The following ZNF827 variants were observed in gnomAD, a reference collection of about 807,000 sequenced individuals.
ZNF827 encodes the protein zinc finger protein 827.
A neutral mutation model predicts 102.4 loss-of-function variants in ZNF827; 13 were observed. The ratio of observed to expected loss-of-function variants is 0.13; its 90% CI spans 0.08 to 0.20. The LOEUF (loss-of-function observed/expected upper bound fraction) is 0.20, where lower values mean the gene tolerates loss of function less well. ZNF827 is among the 10% of genes least tolerant of loss of function. The pLI, the probability that ZNF827 is intolerant of heterozygous loss-of-function variation, is 1.00. For missense variants in ZNF827, 1,103 were observed against 1,344.4 expected, an observed-to-expected ratio of 0.82 and a Z score of 2.81; for synonymous variants, 523 against 536.2, an observed-to-expected ratio of 0.98 and a Z score of 0.34.
Position 145,781,429 on chromosome 4 carries a change from G to A in ZNF827, c.2384-1918C>T, listed in dbSNP as rs76669032. On this transcript the variant is annotated intron_variant, in intron 8 of 14. Transcript: ENST00000508784. The stretch of plus-strand genomic sequence containing the variant: ...CAAATATGAATATATGTCTGGAAAT[G>A]GGAGGAGGGGAAATGATGGTGAAAT... Among the ~76,000 whole-genome samples the A allele has an allele frequency of 5.6e-4, 86 of 152,246 alleles. 1 individual carries two copies. In the East Asian group the frequency reaches 0.012, roughly 21 times the overall value.
chr4:145,901,317 T>C (rs1162394616), intron 2 of ZNF827, among the ~76,000 whole-genome samples: 2 of 152,202 alleles, frequency 1.3e-5, no homozygotes, highest in Non-Finnish European at 2.9e-5. Flanking sequence ...CGTGTATTTA[T>C]CATGTACACA....
chr4:145,765,070 C>T lies in ZNF827; in HGVS notation c.3148G>A (p.Asp1050Asn), dbSNP rs780273763. 1.9e-6 allele frequency: 3 copies of T among 1,614,118 alleles called. No homozygotes were observed. Among genetic ancestry groups the T allele is most frequent in the Admixed American group, 3.3e-5 (2 of 60,008 alleles). Reference protein sequence around the residue: ...IHLITRMFECDVCHKFMKTPE... With the variant: ...IHLITRMFECNVCHKFMKTPE... ...GTCTTCATGAACTTGTGGCACACATCACACTCAAACATCCGGGTGATGAGG... is the reference window on the plus strand; with the variant it reads ...GTCTTCATGAACTTGTGGCACACATTACACTCAAACATCCGGGTGATGAGG... The change falls in exon 13 of 15, where the codon GAT becomes AAT. Residue 1050 changes from aspartate to asparagine, a missense_variant. Physicochemically the swap from Asp to Asn is conservative, Grantham distance 23. Coordinates refer to ENST00000508784, the MANE Select transcript of ZNF827 (RefSeq NM_001306215.2). This position sits in a 1 kb window ranked among gnomAD's most constrained non-coding sequence, Gnocchi z 4.7.
intron 8 of ZNF827, among the ~76,000 whole-genome samples, chr4:145,793,097 C>T (rs548018338): frequency 6.6e-6 from 1 of 151,332 alleles, no homozygotes; most frequent in South Asian, 2.1e-4. Flanking sequence ...GCTTAAAATT[C>T]CACTAGCTAT....
chr4:145,938,615 T>A lies in ZNF827; in HGVS notation c.-208A>T. The A allele has an allele frequency of 1.9e-6, 1 of 524,328 alleles. No individual in the cohort carries two copies. Among genetic ancestry groups the A allele is most frequent in the Non-Finnish European group, 3.3e-6 (1 of 300,674 alleles). 32.5% of individuals were successfully genotyped at this position (524,328 alleles called of 1,614,324 possible). A position where few individuals can be genotyped will look rare whatever the true frequency, so the allele number is the denominator to read the frequency against. On this transcript the variant is annotated 5_prime_UTR_variant, in exon 1 of 15. The change creates a new upstream start codon in the 5' untranslated region. Transcript: ENST00000508784. Reference sequence around the variant, plus strand: ...GGGTTTTCTTCTTTTCTTTCCTTTCTTTTTTCCTTTTTTTTTTTTTTTTAA... The same window carrying A: ...GGGTTTTCTTCTTTTCTTTCCTTTCATTTTTCCTTTTTTTTTTTTTTTTAA...
chr4:145,848,754 T>A (rs1057021954), intron 6 of ZNF827, among the ~76,000 whole-genome samples: 2 of 152,238 alleles, frequency 1.3e-5, no homozygotes, highest in Non-Finnish European at 2.9e-5. Flanking sequence ...AGCTGGTAAT[T>A]ACTGCACTTT....
intron 5 of ZNF827, among the ~76,000 whole-genome samples, chr4:145,850,027 G>C (rs1331861721): frequency 6.8e-6 from 1 of 148,138 alleles, no homozygotes; most frequent in Non-Finnish European, 1.5e-5. Flanking sequence ...TTTTTTTCCT[G>C]AGAAGTAGTT....
intron 5 of ZNF827, among the ~76,000 whole-genome samples, chr4:145,859,231 C>T (rs1183096327): frequency 2.0e-5 from 3 of 152,074 alleles, no homozygotes; most frequent in Non-Finnish European, 4.4e-5. Flanking sequence ...CAGGTGAGGT[C>T]CTTATTCACT....
At chr4:145,861,525 C>G (rs1354518528) in intron 5 of ZNF827, among the ~76,000 whole-genome samples, 1 of 152,214 alleles carries the variant, frequency 6.6e-6, no homozygotes, top group East Asian at 1.9e-4. Context: ...CCAGCGGCCT[C>G]TCCGTTTGTG....
chr4:145,863,191 A>C (rs1747887864), intron 5 of ZNF827, among the ~76,000 whole-genome samples: 1 of 152,216 alleles, frequency 6.6e-6, no homozygotes, highest in South Asian at 2.1e-4. Flanking sequence ...CAAAACTATA[A>C]TGAAACACTA....
Position 145,870,379 on chromosome 4 carries a change from A to C in ZNF827, c.1847T>G (p.Val616Gly), listed in dbSNP as rs1748574109. The C allele has an allele frequency of 6.2e-7, 1 of 1,614,010 alleles. No individual in the cohort carries two copies. Residue 616 changes from valine to glycine, a missense_variant, in exon 5 of 15, where the codon GTG (valine) becomes GGG (glycine). Physicochemically the swap from Val to Gly is moderately radical, Grantham distance 109 (BLOSUM62 -3). Transcript: ENST00000508784. Reference sequence around the variant, plus strand: ...TGACACTTCAGATTCCGGGCTGAACACATAGCTGGACCGAGGCAAAGTCGT... The same window carrying C: ...TGACACTTCAGATTCCGGGCTGAACCCATAGCTGGACCGAGGCAAAGTCGT... ...LSTTLPRSSY[V>G]FSPESEVSAP... is the part of the protein sequence containing the mutation.
chr4:145,884,457 AATCT>A (rs1424862366), intron 4 of ZNF827, among the ~76,000 whole-genome samples: 1 of 152,188 alleles, frequency 6.6e-6, no homozygotes, highest in Non-Finnish European at 1.5e-5. Context: ...GGGTATTGTC[AATCT>A]CCAAAGAGCT....
At chr4:145,788,670 A>G (rs1205830343) in intron 8 of ZNF827, among the ~76,000 whole-genome samples, 1 of 152,202 alleles carries the variant, frequency 6.6e-6, no homozygotes, top group Admixed American at 6.5e-5. Context: ...CAAACTGACA[A>G]TATTGATTCA....
chr4:145,848,027 C>A (rs1746152290), intron 6 of ZNF827, among the ~76,000 whole-genome samples: 1 of 152,296 alleles, frequency 6.6e-6, no homozygotes, highest in Middle Eastern at 3.4e-3. Context: ...TGAGAACTCT[C>A]AGACCCAAAC....
intron 5 of ZNF827, among the ~76,000 whole-genome samples, chr4:145,868,070 C>T (rs1006819743): frequency 6.6e-6 from 1 of 152,176 alleles, no homozygotes; most frequent in Non-Finnish European, 1.5e-5. Context: ...ACTCTAATAT[C>T]CACTTTAAAC....
At chr4:145,889,359 TTATCTC>T (rs1750399433) in intron 3 of ZNF827, among the ~76,000 whole-genome samples, 1 of 152,186 alleles carries the variant, frequency 6.6e-6, no homozygotes, top group Non-Finnish European at 1.5e-5. Context: ...TTTATGTGCA[TTATCTC>T]ATTTAACTCT....
rs538263571 is a variant in ZNF827 at position 145,882,704 on chromosome 4, G to C, written c.1747+2974C>G. Among the ~76,000 whole-genome samples the C allele has an allele frequency of 4.6e-5, 7 of 152,264 alleles. No homozygotes were observed. The South Asian group carries it at 1.2e-3, about 27-fold the overall frequency. Reference sequence around the variant, plus strand: ...TTTGGAAACAAGTAGGTGTCTGCACGCTTGAATTTGTCACTGTGCTCCAGT... The same window carrying C: ...TTTGGAAACAAGTAGGTGTCTGCACCCTTGAATTTGTCACTGTGCTCCAGT... On this transcript the variant is annotated intron_variant, in intron 4 of 14. Transcript: ENST00000508784.
At chr4:145,884,336 G>C (rs1410479944) in intron 4 of ZNF827, among the ~76,000 whole-genome samples, 2 of 152,172 alleles carry the variant, frequency 1.3e-5, no homozygotes, top group Non-Finnish European at 2.9e-5. Context: ...CCTGAGCAAA[G>C]GGACTTCAGA....
chr4:145,833,846 T>A (rs1744527735), intron 7 of ZNF827, among the ~76,000 whole-genome samples: 1 of 148,648 alleles, frequency 6.7e-6, no homozygotes, highest in Non-Finnish European at 1.5e-5. Flanking sequence ...CATCCCTTAT[T>A]TCCATGCCCT....
intron 4 of ZNF827, among the ~76,000 whole-genome samples, chr4:145,871,120 G>T (rs771339946): frequency 2.6e-5 from 4 of 151,242 alleles, no homozygotes; most frequent in Non-Finnish European, 5.9e-5. Context: ...TTTTTTTAAA[G>T]AACAGTTTTT....
Sources: allele counts gnomAD v4.1 joint callset (sites outside exome capture counted in the v4.1 genomes callset), GRCh38; gene constraint gnomAD v4.1.1; non-coding constraint Gnocchi (gnomAD v3.1); transcripts MANE v1.5; gene names NCBI Gene and HGNC (gene_info 2026-07-23, HGNC 2026-07-21).